The following CELF4 variants were observed in gnomAD, a reference collection of about 807,000 sequenced individuals.
CELF4 encodes CUG-BP- and ETR-3-like factor 4.
Under a neutral mutation model 59.9 loss-of-function variants are expected in CELF4, and 18 were observed. The ratio of observed to expected loss-of-function variants is 0.30; its 90% CI spans 0.21 to 0.45. The LOEUF is 0.45. Among genes scored for constraint, CELF4 ranks in the 20% least tolerant of loss-of-function variants. CELF4 has a pLI of 1.00. For synonymous variants in CELF4, 261 were observed against 267.1 expected (o/e 0.98, Z 0.22); for missense variants, 456 against 689.0 (o/e 0.66, Z 3.79).
intron 2 of CELF4, among the ~76,000 whole-genome samples, chr18:37,471,109 G>T (rs1213638579): frequency 6.6e-6 from 1 of 152,054 alleles, no homozygotes; most frequent in East Asian, 1.9e-4. Context: ...TCAGGGCAGA[G>T]AGGGAGCCAA....
chr18:37,308,596 A>G (rs1336229764), intron 3 of CELF4, among the ~76,000 whole-genome samples: 1 of 152,114 alleles, frequency 6.6e-6, no homozygotes, highest in Non-Finnish European at 1.5e-5. Flanking sequence ...CATCTCCTCC[A>G]TGTATCTGTC....
At chr18:37,311,967 C>T (rs1468681148) in intron 3 of CELF4, among the ~76,000 whole-genome samples, 3 of 148,062 alleles carry the variant, frequency 2.0e-5, no homozygotes, top group South Asian at 2.1e-4. Flanking sequence ...AAAAATTAGC[C>T]AGGCATGGTG....
At chr18:37,430,599 G>A (rs2099643115) in intron 2 of CELF4, among the ~76,000 whole-genome samples, 1 of 152,214 alleles carries the variant, frequency 6.6e-6, no homozygotes, top group Non-Finnish European at 1.5e-5. Context: ...AGATAACTGA[G>A]GTTTAGGGCC....
At chr18:37,429,481 G>A (rs1051199817) in intron 2 of CELF4, among the ~76,000 whole-genome samples, 3 of 152,132 alleles carry the variant, frequency 2.0e-5, no homozygotes, top group Non-Finnish European at 2.9e-5. Context: ...GTGTGCCAGC[G>A]TCTTTGAATA....
At chr18:37,542,391 A>G (rs866736789) in intron 1 of CELF4, among the ~76,000 whole-genome samples, 3 of 152,308 alleles carry the variant, frequency 2.0e-5, no homozygotes, top group African/African-American at 4.8e-5. Context: ...TGGCATCTAC[A>G]CTTAGGAAGG....
chr18:37,434,941 G>C (rs893725980), intron 2 of CELF4, among the ~76,000 whole-genome samples: 1 of 152,154 alleles, frequency 6.6e-6, no homozygotes, highest in African/African-American at 2.4e-5. Context: ...ATTGCAGGGG[G>C]AAATTCAGAT....
intron 2 of CELF4, among the ~76,000 whole-genome samples, chr18:37,326,020 C>T (rs951073786): frequency 3.3e-5 from 5 of 152,192 alleles, no homozygotes; most frequent in South Asian, 2.1e-4. Flanking sequence ...TGAAGAGAAA[C>T]CTTCCTCCCT....
intron 2 of CELF4, among the ~76,000 whole-genome samples, chr18:37,383,016 GTACA>G (rs1411167903): frequency 1.0e-5 from 1 of 96,488 alleles, no homozygotes; most frequent in Non-Finnish European, 2.0e-5. Context: ...GTATGTAATA[GTACA>G]TACATGTATG....
intron 1 of CELF4, among the ~76,000 whole-genome samples, chr18:37,550,968 G>A (rs1170663407): frequency 1.3e-5 from 2 of 152,198 alleles, no homozygotes; most frequent in Non-Finnish European, 2.9e-5. Flanking sequence ...AAGGGGCAAG[G>A]CATTGAAATG....
chr18:37,270,945 G>C, intron 7 of CELF4, 28 bp from the exon 8 acceptor site: 1 of 1,563,280 alleles, frequency 6.4e-7, no homozygotes, highest in Non-Finnish European at 8.7e-7. Context: ...GAAGGGTGGA[G>C]GAGGAGGGGA....
intron 2 of CELF4, among the ~76,000 whole-genome samples, chr18:37,431,439 C>T (rs931383356): frequency 3.5e-5 from 5 of 144,192 alleles, no homozygotes; most frequent in Admixed American, 2.9e-4. Flanking sequence ...GCAATCTCAG[C>T]TCACTGCAAG....
chr18:37,429,320 G>C (rs1170370297), intron 2 of CELF4, among the ~76,000 whole-genome samples: 1 of 152,174 alleles, frequency 6.6e-6, no homozygotes, highest in Non-Finnish European at 1.5e-5. Flanking sequence ...GTGTGTGTGT[G>C]TGTTGGGGAG....
intron 2 of CELF4, among the ~76,000 whole-genome samples, chr18:37,443,140 C>T (rs988602090): frequency 6.6e-6 from 1 of 152,214 alleles, no homozygotes; most frequent in Non-Finnish European, 1.5e-5. Flanking sequence ...GGGAAGGGGA[C>T]GTGTCTTCTG....
At chr18:37,366,423 C>T (rs1017502036) in intron 2 of CELF4, among the ~76,000 whole-genome samples, 3 of 152,210 alleles carry the variant, frequency 2.0e-5, no homozygotes, top group African/African-American at 7.2e-5. Flanking sequence ...CACTAGATGG[C>T]TCCTATTCCA....
At chr18:37,334,883 C>A (rs900289222) in intron 2 of CELF4, among the ~76,000 whole-genome samples, 2 of 152,168 alleles carry the variant, frequency 1.3e-5, no homozygotes, top group Non-Finnish European at 2.9e-5. Context: ...CCCTACGCCA[C>A]AGCCTGATGA....
rs573943703 is a variant in CELF4 at position 37,251,012 on chromosome 18, G to T, written c.*44+2755C>A. On this transcript the variant is annotated intron_variant, in intron 12 of 12. Transcript: ENST00000420428. ...CAGGGTACTCTGGGGTAATAGGTTG[G>T]GGTGAGGGTAGGGTGGGGCTTCTCA... Among the ~76,000 whole-genome samples, 4 of 152,184 alleles carry T rather than the reference G, an allele frequency of 2.6e-5. No homozygotes were observed. In the South Asian group the frequency reaches 8.3e-4, roughly 32 times the overall value.
intron 2 of CELF4, among the ~76,000 whole-genome samples, chr18:37,434,809 G>A (rs1374737993): frequency 1.3e-5 from 2 of 152,108 alleles, no homozygotes; most frequent in African/African-American, 4.8e-5. Flanking sequence ...AACTCCCCAA[G>A]TCCTCCCAGT....
intron 2 of CELF4, among the ~76,000 whole-genome samples, chr18:37,421,846 T>A (rs2099580280): frequency 6.6e-6 from 1 of 152,256 alleles, no homozygotes; most frequent in Non-Finnish European, 1.5e-5. Flanking sequence ...CAAGCCTTCC[T>A]CAGTCAGCAT....
At chr18:37,401,946 G>T (rs552627061) in intron 2 of CELF4, among the ~76,000 whole-genome samples, 1 of 152,194 alleles carries the variant, frequency 6.6e-6, no homozygotes, top group South Asian at 2.1e-4. Context: ...GCCTATTCAG[G>T]TGCATCACTC....
Sources: gnomAD v4.1 joint callset for allele counts (sites outside exome capture counted in the v4.1 genomes callset) on GRCh38, gnomAD v4.1.1 for gene constraint, MANE v1.5 for transcripts, NCBI Gene and HGNC (gene_info 2026-07-23, HGNC 2026-07-21) for gene names.